DLGAP2: variants seen among roughly 807,000 people sequenced by gnomAD.
DLGAP2 encodes DLG associated protein 2.
Under a neutral mutation model 100.3 loss-of-function variants are expected in DLGAP2, and 26 were observed. The ratio of observed to expected loss-of-function variants is 0.26; its 90% CI spans 0.19 to 0.36. The LOEUF (loss-of-function observed/expected upper bound fraction) is 0.36. Ranked by LOEUF, DLGAP2 falls within the 10% of genes least tolerant of loss-of-function variation. The pLI, the probability that DLGAP2 is intolerant of heterozygous loss-of-function variation, is 1.00. For missense variants in DLGAP2, 1,858 were observed against 1,453.2 expected (o/e 1.28, Z -4.53); for synonymous variants, 886 against 630.1 (o/e 1.41, Z -6.08).
chr8:1,626,927 C>A (rs1381275185), intron 7 of DLGAP2, 40 bp downstream of exon 7: 6 of 1,555,546 alleles, frequency 3.9e-6, no homozygotes, highest in Non-Finnish European at 5.2e-6. Flanking sequence ...GGTCCAGTCT[C>A]CCCAGCCAGG....
intron 6 of DLGAP2, among the ~76,000 whole-genome samples, chr8:1,601,147 G>C (rs1796610745): frequency 6.6e-6 from 1 of 152,204 alleles, no homozygotes; most frequent in Admixed American, 6.5e-5. Context: ...CAGGTCTGCT[G>C]GAGTTTGCTA....
At chr8:1,040,238 G>A (rs1355941054) in intron 2 of DLGAP2, among the ~76,000 whole-genome samples, 1 of 143,836 alleles carries the variant, frequency 7.0e-6, no homozygotes, top group Admixed American at 7.1e-5. Flanking sequence ...CTCGGTTTCT[G>A]TGGTCAGCTC....
chr8:1,531,235 C>CGT (rs529630124), intron 4 of DLGAP2, among the ~76,000 whole-genome samples: 10,123 of 140,088 alleles, frequency 0.072, 486 homozygotes, highest in African/African-American at 0.14. Context: ...TATTAGAGAG[C>CGT]GTGTGCGTGT....
At chr8:1,387,895 G>T (rs563811591) in intron 3 of DLGAP2, among the ~76,000 whole-genome samples, 1 of 152,328 alleles carries the variant, frequency 6.6e-6, no homozygotes, top group Admixed American at 6.5e-5. Flanking sequence ...GAGATGTCCT[G>T]TGAGTAGGTT....
intron 2 of DLGAP2, among the ~76,000 whole-genome samples, chr8:1,001,533 A>G (rs918741408): frequency 2.0e-5 from 3 of 152,212 alleles, no homozygotes; most frequent in African/African-American, 7.2e-5. Context: ...TAAAATATTG[A>G]GGAAGGTGTC....
rs117891621 is a variant in DLGAP2, at chr8:1,009,966, C to T, written c.73+102000C>T. Among the ~76,000 whole-genome samples, 14 of 152,338 alleles carry T rather than the reference C, an allele frequency of 9.2e-5. No individual in the cohort carries two copies. The East Asian group carries it at 2.7e-3, about 29-fold the overall frequency. On this transcript the variant is annotated intron_variant, in intron 2 of 14. Transcript: ENST00000637795. The stretch of plus-strand genomic sequence containing the variant: ...GCACAGTTGATTGAAACAATGGAAG[C>T]TGCTAGCACAACTTATCTTTCTGAA...
chr8:737,787 C>G lies in DLGAP2; in HGVS notation c.-21C>G. 1 of 378,784 alleles carries G rather than the reference C, an allele frequency of 2.6e-6. No homozygotes were observed. The highest frequency in any genetic ancestry group is 4.7e-6 in the Non-Finnish European group (1 of 213,038). 23.5% of individuals were successfully genotyped at this position (378,784 alleles called of 1,614,324 possible). On this transcript the variant is annotated 5_prime_UTR_variant, in exon 1 of 15. Transcript: ENST00000637795. Reference sequence around the variant, plus strand: ...GCTTCGCCATGTCGCCCCGCACCTGCTGAGCCCGGAGCGTCCGAGGATGTC... The same window carrying G: ...GCTTCGCCATGTCGCCCCGCACCTGGTGAGCCCGGAGCGTCCGAGGATGTC...
At chr8:987,947 A>C (rs946756804) in intron 2 of DLGAP2, among the ~76,000 whole-genome samples, 6 of 152,150 alleles carry the variant, frequency 3.9e-5, no homozygotes, top group African/African-American at 1.4e-4. Context: ...TAAGGAGATC[A>C]GTGCTTCTCT....
At chr8:1,370,658 C>G (rs74783671) in intron 3 of DLGAP2, among the ~76,000 whole-genome samples, 4,255 of 152,308 alleles carry the variant, frequency 0.028, 90 homozygotes, top group Non-Finnish European at 0.036. Context: ...GGATTAGAAG[C>G]CATCTGAAGG....
chr8:1,363,833 T>C (rs1312209707), intron 3 of DLGAP2, among the ~76,000 whole-genome samples: 1 of 152,150 alleles, frequency 6.6e-6, no homozygotes, highest in East Asian at 1.9e-4. Flanking sequence ...CGGCTGCCCG[T>C]GGCAGGCCTG....
At chr8:788,676 G>T (rs1326872866) in intron 1 of DLGAP2, among the ~76,000 whole-genome samples, 1 of 152,232 alleles carries the variant, frequency 6.6e-6, no homozygotes, top group Non-Finnish European at 1.5e-5. Context: ...GCAGAAGTCA[G>T]TGCTGTTCTG....
chr8:791,245 C>T (rs1250947923), intron 1 of DLGAP2, among the ~76,000 whole-genome samples: 1 of 152,148 alleles, frequency 6.6e-6, no homozygotes, highest in Non-Finnish European at 1.5e-5. Context: ...GGGGTTCCAC[C>T]ATGTTTTCTG....
intron 2 of DLGAP2, among the ~76,000 whole-genome samples, chr8:1,055,243 G>A (rs887477688): frequency 1.3e-5 from 2 of 152,098 alleles, no homozygotes; most frequent in Non-Finnish European, 2.9e-5. Context: ...TGGTGGTTTC[G>A]GCCTGATGAG....
chr8:907,302 C>T (rs921528892), intron 1 of DLGAP2, among the ~76,000 whole-genome samples: 1 of 152,224 alleles, frequency 6.6e-6, no homozygotes, highest in African/African-American at 2.4e-5. Flanking sequence ...TCTTCAGCTG[C>T]ACGTTACCGG....
chr8:877,166 T>C (rs909392239), intron 1 of DLGAP2, among the ~76,000 whole-genome samples: 2 of 152,216 alleles, frequency 1.3e-5, no homozygotes, highest in Non-Finnish European at 2.9e-5. Context: ...CCTCTTATTG[T>C]TTTTTCATTG....
intron 1 of DLGAP2, among the ~76,000 whole-genome samples, chr8:756,566 A>T (rs1251070337): frequency 1.3e-5 from 2 of 152,108 alleles, no homozygotes; most frequent in African/African-American, 4.8e-5. Context: ...TTTCATATTC[A>T]TATGCAGCCT....
chr8:984,664 G>A (rs1800437017), intron 2 of DLGAP2, among the ~76,000 whole-genome samples: 1 of 152,204 alleles, frequency 6.6e-6, no homozygotes, highest in African/African-American at 2.4e-5. Context: ...CAGTCAATAC[G>A]CCGACCTCAC....
intron 5 of DLGAP2, among the ~76,000 whole-genome samples, chr8:1,553,133 C>G (rs1025591526): frequency 3.3e-5 from 5 of 152,300 alleles, no homozygotes; most frequent in African/African-American, 1.2e-4. Context: ...AGCGGGGCCC[C>G]TGCTGCATCC....
intron 5 of DLGAP2, among the ~76,000 whole-genome samples, chr8:1,550,529 T>C (rs1801728136): frequency 6.6e-6 from 1 of 152,130 alleles, no homozygotes; most frequent in Non-Finnish European, 1.5e-5. Flanking sequence ...ACCGGCCTAA[T>C]GGAAGTGGGC....
Sources: gnomAD v4.1 joint callset for allele counts (sites outside exome capture counted in the v4.1 genomes callset) on GRCh38, gnomAD v4.1.1 for gene constraint, MANE v1.5 for transcripts, NCBI Gene and HGNC (gene_info 2026-07-23, HGNC 2026-07-21) for gene names.